Variants in SP100 observed in about 807,000 individuals in gnomAD.
SP100 encodes the protein SP100 nuclear body protein.
Under a neutral mutation model 130.0 loss-of-function variants are expected in SP100, and 84 were observed. The ratio of observed to expected loss-of-function variants is 0.65; its 90% CI spans 0.54 to 0.77. SP100 has a LOEUF of 0.77. SP100 is among the 30% of genes least tolerant of loss of function. SP100 has a pLI of 0.00. For synonymous variants in SP100, 331 were observed against 351.7 expected, an observed-to-expected ratio of 0.94 and a Z score of 0.66; for missense variants, 978 against 1,052.2, an observed-to-expected ratio of 0.93 and a Z score of 0.97.
intron 8 of SP100, among the ~76,000 whole-genome samples, chr2:230,456,892 T>A (rs1010842816): frequency 6.6e-6 from 1 of 152,256 alleles, no homozygotes; most frequent in Non-Finnish European, 1.5e-5. Flanking sequence ...GAATTCTGCA[T>A]AAGGCAGTTT....
At chr2:230,515,797 T>A in intron 24 of SP100, 1 of 1,458,974 alleles carries the variant, frequency 6.9e-7, no homozygotes, top group Non-Finnish European at 9.0e-7. Context: ...CACTACCGAA[T>A]GTGTCTTCAG....
chr2:230,473,787 G>GT (rs2065394663), intron 16 of SP100, among the ~76,000 whole-genome samples: 1 of 151,720 alleles, frequency 6.6e-6, no homozygotes, highest in East Asian at 1.9e-4. Flanking sequence ...TGGTTAGGTG[G>GT]TAAAAAAATA....
intron 15 of SP100, among the ~76,000 whole-genome samples, chr2:230,472,495 A>G (rs887253341): frequency 6.6e-5 from 10 of 151,436 alleles, no homozygotes; most frequent in African/African-American, 2.4e-4. Flanking sequence ...GAGAGAATAG[A>G]AGGAGGAAGT....
At chr2:230,530,881 G>T (rs771490519) in intron 24 of SP100, among the ~76,000 whole-genome samples, 3 of 152,070 alleles carry the variant, frequency 2.0e-5, no homozygotes, top group African/African-American at 4.8e-5. Flanking sequence ...ACCATCTCAC[G>T]CCAGGTAGAA....
chr2:230,515,064 A>G, intron 24 of SP100: 2 of 1,610,318 alleles, frequency 1.2e-6, no homozygotes, highest in Non-Finnish European at 1.7e-6. Flanking sequence ...GTGAAATGTT[A>G]TCATATGCAT....
intron 2 of SP100, among the ~76,000 whole-genome samples, chr2:230,425,890 T>C (rs890575732): frequency 6.6e-6 from 1 of 152,138 alleles, no homozygotes; most frequent in African/African-American, 2.4e-5. Context: ...AACTGGTTTT[T>C]CTTTAATGGA....
At chr2:230,417,285 CTTATT>C (rs1205705457) in intron 1 of SP100, among the ~76,000 whole-genome samples, 1 of 152,034 alleles carries the variant, frequency 6.6e-6, no homozygotes, top group East Asian at 1.9e-4. Flanking sequence ...TGCATTTTTA[CTTATT>C]TTAATAGTGG....
At chr2:230,463,806 C>A in intron 10 of SP100, 1 of 242,158 alleles carries the variant, frequency 4.1e-6, no homozygotes, top group South Asian at 1.0e-4. Context: ...TGTGGAATGG[C>A]AAGCAGAAGG....
At chr2:230,419,474 A>G (rs551262240) in intron 2 of SP100, among the ~76,000 whole-genome samples, 5 of 152,204 alleles carry the variant, frequency 3.3e-5, no homozygotes, top group Admixed American at 2.0e-4. Flanking sequence ...ATTTTAGTCA[A>G]TAATGGCCCC....
At chr2:230,462,319 T>C in intron 9 of SP100, 116 bp from the exon 10 acceptor site, 3 of 720,058 alleles carry the variant, frequency 4.2e-6, no homozygotes. Context: ...CACCCCAGGG[T>C]CTTGAGTTAA....
chr2:230,486,923 G>T (rs1245706424), intron 17 of SP100, among the ~76,000 whole-genome samples: 1 of 152,220 alleles, frequency 6.6e-6, no homozygotes, highest in Non-Finnish European at 1.5e-5. Context: ...TTTCTCTAAT[G>T]TTCAGTGATG....
chr2:230,530,669 C>T lies in SP100; in HGVS notation c.2095-8598C>T, dbSNP rs145939436. Among the ~76,000 whole-genome samples the T allele has an allele frequency of 4.5e-3, 683 of 152,292 alleles. 3 individuals are homozygous for T. Among genetic ancestry groups the T allele is most frequent in the African/African-American group, 0.016 (664 of 41,570 alleles). The stretch of plus-strand genomic sequence containing the variant: ...CCTACAGAATGGGAGAATATCTTTG[C>T]AATCTACCCATCTGAGAAAGGGCTA... On this transcript the variant is annotated intron_variant, in intron 24 of 28. Transcript: ENST00000340126.
intron 18 of SP100, 136 bp downstream of exon 18, chr2:230,494,596 C>T: frequency 1.5e-6 from 1 of 666,522 alleles, no homozygotes; most frequent in Non-Finnish European, 2.7e-6. Context: ...CTTTAGAGTA[C>T]CAGCTAAGTC....
intron 2 of SP100, among the ~76,000 whole-genome samples, chr2:230,438,024 A>G (rs914188706): frequency 6.6e-6 from 1 of 152,106 alleles, no homozygotes; most frequent in African/African-American, 2.4e-5. Flanking sequence ...TTGAATTTTG[A>G]TTTGACATTA....
At chr2:230,447,539 A>G (rs2063762237) in intron 5 of SP100, among the ~76,000 whole-genome samples, 2 of 152,180 alleles carry the variant, frequency 1.3e-5, no homozygotes, top group African/African-American at 4.8e-5. Context: ...CAAGCCCTTC[A>G]TTGGCTTTCA....
At chr2:230,417,715 T>A in intron 2 of SP100, 50 bp downstream of exon 2, 1 of 1,583,048 alleles carries the variant, frequency 6.3e-7, no homozygotes, top group East Asian at 2.3e-5. Context: ...TTCCTTACGA[T>A]GGGAAAATTG....
intron 24 of SP100, 77 bp from the exon 25 acceptor site, chr2:230,539,190 T>C: frequency 1.2e-6 from 1 of 841,410 alleles, no homozygotes; most frequent in Non-Finnish European, 2.0e-6. Flanking sequence ...AGTGTGCCCT[T>C]GATACATAAA....
At position 230,416,223 on chromosome 2, in the gene SP100, C is replaced by T. The variant is rs1189892163; in HGVS notation, c.-74C>T. 2.3e-6 allele frequency: 3 copies of T among 1,293,094 alleles called. No individual in the cohort carries two copies. The East Asian group carries it at 7.0e-5, about 30-fold the overall frequency. The allele number at this position is 1,293,094 out of a possible 1,614,324, so 80.1% of individuals were successfully genotyped here. A position where few individuals can be genotyped will look rare whatever the true frequency, so the allele number is the denominator to read the frequency against. ...CCTGCTTGGGGCCTGGGCAGCCACA[C>T]TGCACGCAGGCTGGGCCGACTGAGG... On this transcript the variant is annotated 5_prime_UTR_variant, in exon 1 of 29. Transcript: ENST00000340126.
At chr2:230,515,303 C>T (rs1432919558) in intron 24 of SP100, 2 of 1,612,314 alleles carry the variant, frequency 1.2e-6, no homozygotes, top group Non-Finnish European at 1.7e-6. Flanking sequence ...GATCCCAATG[C>T]ACCCAAGAGG....
Sources: gnomAD v4.1 joint callset for allele counts (sites outside exome capture counted in the v4.1 genomes callset) on GRCh38, gnomAD v4.1.1 for gene constraint, MANE v1.5 for transcripts, NCBI Gene and HGNC (gene_info 2026-07-23, HGNC 2026-07-21) for gene names.